The following ADAMTS19 variants were observed in gnomAD, a reference collection of about 807,000 sequenced individuals.
ADAMTS19 encodes the protein ADAM metallopeptidase with thrombospondin type 1 motif 19, also known as A disintegrin and metalloproteinase with thrombospondin motifs 19.
ADAMTS19 carries 93 observed loss-of-function variants against 153.3 expected under a neutral mutation model. The ratio of observed to expected loss-of-function variants is 0.61; its 90% CI spans 0.51 to 0.72. ADAMTS19 has a LOEUF of 0.72. Among genes scored for constraint, ADAMTS19 ranks in the 30% least tolerant of loss-of-function variants. ADAMTS19 has a pLI of 0.00. For missense variants in ADAMTS19, 1,482 were observed against 1,552.1 expected, an observed-to-expected ratio of 0.95 and a Z score of 0.76; for synonymous variants, 600 against 556.6, an observed-to-expected ratio of 1.08 and a Z score of -1.10.
intron 19 of ADAMTS19, among the ~76,000 whole-genome samples, chr5:129,700,924 C>T (rs1467963264): frequency 6.6e-6 from 1 of 151,842 alleles, no homozygotes; most frequent in Non-Finnish European, 1.5e-5. Flanking sequence ...GGTATAAAGT[C>T]TCCATGTAAC....
chr5:129,702,129 C>T (rs553927081), intron 20 of ADAMTS19, among the ~76,000 whole-genome samples: 1 of 152,056 alleles, frequency 6.6e-6, no homozygotes, highest in East Asian at 1.9e-4. Context: ...GGATTTGAAC[C>T]CAAGGTTGTT....
chr5:129,570,200 T>C (rs997966940), intron 7 of ADAMTS19, among the ~76,000 whole-genome samples: 1 of 151,432 alleles, frequency 6.6e-6, no homozygotes, highest in Non-Finnish European at 1.5e-5. Context: ...CAAAGAAAAA[T>C]AGAAAGTAGA....
At chr5:129,490,975 T>C (rs538544227) in intron 2 of ADAMTS19, among the ~76,000 whole-genome samples, 2 of 152,224 alleles carry the variant, frequency 1.3e-5, no homozygotes, top group African/African-American at 4.8e-5. Flanking sequence ...CATATATTGT[T>C]GTTAGAGATA....
intron 21 of ADAMTS19, 32 bp downstream of exon 21, chr5:129,704,423 G>A: frequency 1.2e-6 from 2 of 1,602,324 alleles, no homozygotes; most frequent in Non-Finnish European, 1.7e-6. Flanking sequence ...CTCAGTAATA[G>A]GTTTCAATAA....
At chr5:129,557,471 G>A (rs1181208734) in intron 7 of ADAMTS19, among the ~76,000 whole-genome samples, 2 of 151,728 alleles carry the variant, frequency 1.3e-5, no homozygotes, top group African/African-American at 2.4e-5. Context: ...ATGGTGACAC[G>A]CACCTGTAAT....
intron 20 of ADAMTS19, among the ~76,000 whole-genome samples, chr5:129,702,388 A>T (rs1357154574): frequency 6.6e-6 from 1 of 152,204 alleles, no homozygotes; most frequent in African/African-American, 2.4e-5. Flanking sequence ...TACACACATA[A>T]AAAGGAAAAT....
chr5:129,549,385 G>C (rs1752984054), intron 6 of ADAMTS19, among the ~76,000 whole-genome samples: 1 of 151,440 alleles, frequency 6.6e-6, no homozygotes, highest in Admixed American at 6.6e-5. Context: ...CAAAATGAAA[G>C]AGATAGGACA....
chr5:129,709,310 A>G (rs577913529), intron 21 of ADAMTS19, among the ~76,000 whole-genome samples: 3 of 152,130 alleles, frequency 2.0e-5, no homozygotes, highest in African/African-American at 7.2e-5. Context: ...CTCATTTTCT[A>G]TGGGAACAAT....
chr5:129,501,124 C>T (rs1404163282), intron 2 of ADAMTS19, among the ~76,000 whole-genome samples: 2 of 151,872 alleles, frequency 1.3e-5, no homozygotes, highest in African/African-American at 2.4e-5. Context: ...ATTTTTTAAA[C>T]CATATTTTTA....
intron 7 of ADAMTS19, among the ~76,000 whole-genome samples, chr5:129,557,900 AC>A (rs1753368931): frequency 6.6e-6 from 1 of 152,048 alleles, no homozygotes; most frequent in African/African-American, 2.4e-5. Flanking sequence ...ATAACCAAGT[AC>A]GGTTATTTTA....
chr5:129,690,285 G>GT (rs1179082924), intron 18 of ADAMTS19, among the ~76,000 whole-genome samples: 4 of 152,236 alleles, frequency 2.6e-5, no homozygotes, highest in African/African-American at 4.8e-5. Flanking sequence ...CACGTGCCAG[G>GT]TGGAAGGCTT....
chr5:129,538,908 A>G (rs987518214), intron 6 of ADAMTS19, among the ~76,000 whole-genome samples: 4 of 152,128 alleles, frequency 2.6e-5, no homozygotes, highest in Admixed American at 6.6e-5. Context: ...AAAGTAAAAG[A>G]AACACCTTAG....
intron 7 of ADAMTS19, among the ~76,000 whole-genome samples, chr5:129,589,334 G>A (rs1749979948): frequency 6.6e-6 from 1 of 151,136 alleles, no homozygotes; most frequent in Non-Finnish European, 1.5e-5. Flanking sequence ...CCTTCACTGA[G>A]GGTCTTTTCC....
chr5:129,501,538 T>C (rs1751108322), intron 2 of ADAMTS19, among the ~76,000 whole-genome samples: 1 of 151,426 alleles, frequency 6.6e-6, no homozygotes. Context: ...AAGATGAGGA[T>C]TTTTTTTTGA....
chr5:129,708,590 C>CAAAAAAAAAAAAAAA (rs1174701520), intron 21 of ADAMTS19, among the ~76,000 whole-genome samples: 2 of 61,818 alleles, frequency 3.2e-5, no homozygotes, highest in African/African-American at 1.2e-4. Flanking sequence ...AGCAGAGAAG[C>CAAAAAAAAAAAAAAA]AAAAAAAAAA....
At chr5:129,674,150 G>A (rs1754441786) in intron 16 of ADAMTS19, among the ~76,000 whole-genome samples, 1 of 151,884 alleles carries the variant, frequency 6.6e-6, no homozygotes, top group South Asian at 2.1e-4. Context: ...AGAATCACTT[G>A]AACCCGGGAG....
At chr5:129,610,084 G>T (rs1375765306) in intron 8 of ADAMTS19, among the ~76,000 whole-genome samples, 1 of 64,658 alleles carries the variant, frequency 1.5e-5, no homozygotes, top group Non-Finnish European at 3.7e-5. Context: ...TACATTCTAG[G>T]TAGTGGTATT....
At chr5:129,591,207 A>G (rs1581121286) in intron 7 of ADAMTS19, among the ~76,000 whole-genome samples, 1 of 150,588 alleles carries the variant, frequency 6.6e-6, no homozygotes, top group Non-Finnish European at 1.5e-5. Flanking sequence ...TCTCTACCTT[A>G]TTTCCCTTTT....
intron 7 of ADAMTS19, among the ~76,000 whole-genome samples, chr5:129,566,645 C>T (rs1031861841): frequency 1.3e-5 from 2 of 152,114 alleles, no homozygotes; most frequent in Non-Finnish European, 2.9e-5. Flanking sequence ...AGGAGAAGCC[C>T]TCCCATTCTG....
Sources: gnomAD v4.1 joint callset for allele counts (sites outside exome capture counted in the v4.1 genomes callset) on GRCh38, gnomAD v4.1.1 for gene constraint, MANE v1.5 for transcripts, NCBI Gene and HGNC (gene_info 2026-07-23, HGNC 2026-07-21) for gene names.